Variants in SCUBE3 observed in about 807,000 individuals in gnomAD.
SCUBE3 encodes signal peptide, CUB and EGF-like domain-containing protein 3.
SCUBE3 carries 33 observed loss-of-function variants against 116.8 expected under a neutral mutation model. The ratio of observed to expected loss-of-function variants is 0.28; its 90% CI spans 0.21 to 0.38. SCUBE3 has a LOEUF of 0.38. SCUBE3 is among the 10% of genes least tolerant of loss of function. The pLI, the probability that SCUBE3 is intolerant of heterozygous loss-of-function variation, is 1.00. For missense variants in SCUBE3, 1,007 were observed against 1,324.8 expected (o/e 0.76, Z 3.72); for synonymous variants, 418 against 496.9 (o/e 0.84, Z 2.11).
In SCUBE3 at chr6:35,217,222, C is replaced by CGGGGG. The variant is rs1260285538; in HGVS notation, c.85+2729_85+2733dup. Among the ~76,000 whole-genome samples, 3 of 1,068 alleles carry CGGGGG rather than the reference C, an allele frequency of 2.8e-3. 1 individual carries two copies. Among genetic ancestry groups the CGGGGG allele is most frequent in the Admixed American group, 0.021 (2 of 96 alleles). 0.7% of individuals were successfully genotyped at this position (1,068 alleles called of 152,430 possible). ...TTTTGGTAAGGGGGTGGGTGTTTGGCGGGGGGGGGGGGGGCGGGGGGGAGG... is the reference window on the plus strand; with the variant it reads ...TTTTGGTAAGGGGGTGGGTGTTTGGCGGGGGGGGGGGGGGGGGGGCGGGGGGGAGG... On this transcript the variant is annotated intron_variant, in intron 1 of 21. Coordinates refer to ENST00000274938, the MANE Select transcript of SCUBE3 (RefSeq NM_152753.4).
chr6:35,237,923 G>C lies in SCUBE3; in HGVS notation c.734G>C (p.Gly245Ala). ...TCIETCAVNN[G>A]GCDSKCHDAA... ...ACAGAGACCTGTGCTGTCAACAACG[G>C]GGGCTGTGACAGTAAGTGCCATGAT... Residue 245 changes from glycine to alanine, a missense_variant, in exon 7 of 22, where the codon GGG (glycine) becomes GCG (alanine). Around this residue, in one of 5 missense-constraint regions of SCUBE3, gnomAD observed 214 missense variants for 316.7 expected, o/e 0.68. Transcript: ENST00000274938. 1 of 1,611,434 alleles carries C rather than the reference G, an allele frequency of 6.2e-7. No individual in the cohort carries two copies. Among genetic ancestry groups the C allele is most frequent in the Non-Finnish European group, 8.5e-7 (1 of 1,177,700 alleles).
rs1156601791 is a variant in SCUBE3, at chr6:35,219,889, T to G, written c.85+5386T>G. ...TCTAACCAGCTGCTTGGCCCCAGCA[T>G]AGTGAATCCAAGGGCAGGCAACACC... On this transcript the variant is annotated intron_variant, in intron 1 of 21. Transcript: ENST00000274938. This position sits in a 1 kb window ranked among gnomAD's most constrained non-coding sequence, Gnocchi z 4.7. Among the ~76,000 whole-genome samples, 1 of 152,202 alleles carries G rather than the reference T, an allele frequency of 6.6e-6. No homozygotes were observed. Among genetic ancestry groups the G allele is most frequent in the Non-Finnish European group, 1.5e-5 (1 of 68,022 alleles).
chr6:35,242,676 C>T lies in SCUBE3; in HGVS notation c.1589C>T (p.Ser530Phe), dbSNP rs1258245047. Residue 530 changes from serine to phenylalanine, a missense_variant, in exon 14 of 22, where the codon TCC becomes TTC. By Grantham distance (155) the Ser-to-Phe change is radical (BLOSUM62 -2). This residue lies in a region of SCUBE3 where 544 missense variants were observed against 638.9 expected (regional missense o/e 0.85). Transcript: ENST00000274938. ...QVTFIHLKCDSSRKGKGRRAR... is the reference protein window; with the variant it reads ...QVTFIHLKCDFSRKGKGRRAR... The stretch of plus-strand genomic sequence containing the variant: ...ACCTTCATCCACCTTAAGTGTGACT[C>T]CTCTCGGAAGGGCAAGGGCCGACGG... The T allele has an allele frequency of 1.2e-6, 2 of 1,614,138 alleles. No individual in the cohort carries two copies. The highest frequency in any genetic ancestry group is 2.2e-5 in the East Asian group (1 of 44,880).
chr6:35,237,134 TAC>T (rs1783810152), intron 6 of SCUBE3, among the ~76,000 whole-genome samples: 1 of 152,220 alleles, frequency 6.6e-6, no homozygotes, highest in Non-Finnish European at 1.5e-5. Flanking sequence ...CTAACCTTTT[TAC>T]ACCCTTCCTT....
intron 20 of SCUBE3, 49 bp downstream of exon 20, chr6:35,246,145 G>A: frequency 6.2e-7 from 1 of 1,612,738 alleles, no homozygotes; most frequent in Non-Finnish European, 8.5e-7. Flanking sequence ...GTTTTGAGAG[G>A]GAACCAGGAG....
chr6:35,235,906 C>T lies in SCUBE3; in HGVS notation c.713-1996C>T, dbSNP rs561627919. ...ATTAGATGCCATCCCCTCCTTGGGG[C>T]TTCTTTCTTGGGTTCTTACCCACAT... On this transcript the variant is annotated intron_variant, in intron 6 of 21. Coordinates refer to ENST00000274938, the MANE Select transcript of SCUBE3 (RefSeq NM_152753.4). The surrounding 1 kb of genome is among the most constrained non-coding windows in gnomAD (Gnocchi z 4.5). Among the ~76,000 whole-genome samples, 23 of 152,158 alleles carry T rather than the reference C, an allele frequency of 1.5e-4. No individual in the cohort carries two copies. In the South Asian group the frequency reaches 4.6e-3, roughly 30 times the overall value.
rs771342268 is a variant in SCUBE3, at chr6:35,248,693, G to T, written c.2970G>T (p.Arg990Ser). Residue 990 changes from arginine (R) to serine (S), a missense_variant, in exon 22 of 22, where the codon AGG becomes AGT. Coordinates refer to ENST00000274938, the MANE Select transcript of SCUBE3 (RefSeq NM_152753.4). ...GCTCCAAAGTTTCCAGCTTCCTGAG[G>T]CCCTACAAATAGTAACCCTAGGCTC... The part of the protein sequence containing the change: ...LLRSKVSSFL[R>S]PYK The T allele has an allele frequency of 1.2e-6, 2 of 1,613,796 alleles. No individual in the cohort carries two copies. Among genetic ancestry groups the T allele is most frequent in the Admixed American group, 3.3e-5 (2 of 59,980 alleles).
intron 1 of SCUBE3, among the ~76,000 whole-genome samples, chr6:35,226,480 C>CTTTTT (rs764779695): frequency 0.016 from 1,366 of 85,042 alleles, 51 homozygotes; most frequent in Middle Eastern, 0.023. Flanking sequence ...TTTCTATGTC[C>CTTTTT]TTTTTTTTTT....
At position 35,248,959 on chromosome 6, in the gene SCUBE3, C is replaced by G. The variant is rs557927611; in HGVS notation, c.*254C>G. On this transcript the variant is annotated 3_prime_UTR_variant, in exon 22 of 22. Coordinates refer to ENST00000274938, the MANE Select transcript of SCUBE3 (RefSeq NM_152753.4). ...AAAGCCATTCAGTACTGGCTCTAGT[C>G]CCCGTGAGATGTAAAGAAACAGTAC... is the stretch of plus-strand genomic sequence containing the variant. 1.0e-5 allele frequency: 5 copies of G among 497,176 alleles called. No homozygotes were observed. The South Asian group carries it at 1.3e-4, about 13-fold the overall frequency. The allele number at this position is 497,176 out of a possible 1,614,324, so 30.8% of individuals were successfully genotyped here. A position where few individuals can be genotyped will look rare whatever the true frequency, so the allele number is the denominator to read the frequency against.
At position 35,219,248 on chromosome 6, in the gene SCUBE3, A is replaced by G. The variant is rs1783037405; in HGVS notation, c.85+4745A>G. Among the ~76,000 whole-genome samples, 1 of 152,198 alleles carries G rather than the reference A, an allele frequency of 6.6e-6. No individual in the cohort carries two copies. The highest frequency in any genetic ancestry group is 1.5e-5 in the Non-Finnish European group (1 of 68,026). On this transcript the variant is annotated intron_variant, in intron 1 of 21. Coordinates refer to ENST00000274938, the MANE Select transcript of SCUBE3 (RefSeq NM_152753.4). This position sits in a 1 kb window ranked among gnomAD's most constrained non-coding sequence, Gnocchi z 4.7. Reference sequence around the variant, plus strand: ...GTGTGTTTCTATATGTGTGTATCCAACAAAGTTGGGAAGTGGAGCTGAAAT... The same window carrying G: ...GTGTGTTTCTATATGTGTGTATCCAGCAAAGTTGGGAAGTGGAGCTGAAAT...
At chr6:35,218,199 G>A (rs1782998632) in intron 1 of SCUBE3, 2 of 969,476 alleles carry the variant, frequency 2.1e-6, no homozygotes, top group Non-Finnish European at 2.5e-6. Flanking sequence ...GGCCCTGGGT[G>A]TGAGTTTGGG....
chr6:35,245,624 TAAGA>T lies in SCUBE3; in HGVS notation c.2599+203_2599+206del, dbSNP rs912677292. ...ACACATGTTTGGTAGAAAACAGAGTTAAGAAAGCTAGCAGTGGGGCTAGAACTCC... is the reference window on the plus strand; with the variant it reads ...ACACATGTTTGGTAGAAAACAGAGTTAAGCTAGCAGTGGGGCTAGAACTCC... On this transcript the variant is annotated intron_variant, in intron 19 of 21. Transcript: ENST00000274938. The surrounding 1 kb of genome is among the most constrained non-coding windows in gnomAD (Gnocchi z 4.2). Among the ~76,000 whole-genome samples, 37 of 152,288 alleles carry T rather than the reference TAAGA, an allele frequency of 2.4e-4. No individual in the cohort carries two copies. Among genetic ancestry groups the T allele is most frequent in the Non-Finnish European group, 4.3e-4 (29 of 68,034 alleles).
rs1782815619 is a variant in SCUBE3, at chr6:35,214,665, G to T, written c.85+162G>T. ...CCGGCCAGGGGCCCGACCGCTGGGC[G>T]CTGCGCCCCGAGCGAAAAGCCGGAC... On this transcript the variant is annotated intron_variant, in intron 1 of 21. Transcript: ENST00000274938. This position sits in a 1 kb window ranked among gnomAD's most constrained non-coding sequence, Gnocchi z 6.3. Among the ~76,000 whole-genome samples, 1 of 152,212 alleles carries T rather than the reference G, an allele frequency of 6.6e-6. No homozygotes were observed. The highest frequency in any genetic ancestry group is 1.5e-5 in the Non-Finnish European group (1 of 68,022).
In SCUBE3 at chr6:35,245,948, C is replaced by T. The variant is rs1291109707; in HGVS notation, c.2604C>T (p.Ser868=). Residue 868 remains serine (S), a synonymous_variant, in exon 20 of 22, where the codon TCC becomes TCT. Transcript: ENST00000274938. This position sits in a 1 kb window ranked among gnomAD's most constrained non-coding sequence, Gnocchi z 4.2. ...GDVLVMRKNS[S]PSSITTYETC... Reference sequence around the variant, plus strand: ...ACCTGCTGCTTGCCTTCCCAGCATCCCCATCCTCCATTACCACTTATGAGA... The same window carrying T: ...ACCTGCTGCTTGCCTTCCCAGCATCTCCATCCTCCATTACCACTTATGAGA... 9.9e-6 allele frequency: 16 copies of T among 1,613,818 alleles called. No homozygotes were observed. The highest frequency in any genetic ancestry group is 1.3e-5 in the African/African-American group (1 of 74,896).
intron 1 of SCUBE3, among the ~76,000 whole-genome samples, chr6:35,218,528 A>T (rs983615614): frequency 6.6e-6 from 1 of 152,100 alleles, no homozygotes; most frequent in Non-Finnish European, 1.5e-5. Flanking sequence ...CTAGCACATG[A>T]CCACTTATAA....
chr6:35,239,503 G>C lies in SCUBE3; in HGVS notation c.830-249G>C, dbSNP rs1262237388. Among the ~76,000 whole-genome samples the C allele has an allele frequency of 6.6e-6, 1 of 152,066 alleles. No homozygotes were observed. Among genetic ancestry groups the C allele is most frequent in the African/African-American group, 2.4e-5 (1 of 41,384 alleles). Reference sequence around the variant, plus strand: ...TTGGTTCCAATTTGTCCCCTTATAAGAACACTCAATCCCAGAAGAGAGGGT... The same window carrying C: ...TTGGTTCCAATTTGTCCCCTTATAACAACACTCAATCCCAGAAGAGAGGGT... On this transcript the variant is annotated intron_variant, in intron 7 of 21. Coordinates refer to ENST00000274938, the MANE Select transcript of SCUBE3 (RefSeq NM_152753.4). This position sits in a 1 kb window ranked among gnomAD's most constrained non-coding sequence, Gnocchi z 4.1.
At chr6:35,223,944 G>A (rs1368576530) in intron 1 of SCUBE3, 1 of 152,240 alleles carries the variant, frequency 6.6e-6, no homozygotes, top group African/African-American at 2.4e-5. Context: ...CCAGCCAGGT[G>A]AGGAAAGCTG....
In SCUBE3 at chr6:35,244,724, C is replaced by T. The variant is rs769897344; in HGVS notation, c.2314C>T (p.Pro772Ser). The change falls in exon 18 of 22, where the codon CCC (proline) becomes TCC (serine). Residue 772 changes from proline (P) to serine (S), a missense_variant. Physicochemically the swap from Pro to Ser is moderately conservative, Grantham distance 74 (BLOSUM62 -1). Transcript: ENST00000274938. This position sits in a 1 kb window ranked among gnomAD's most constrained non-coding sequence, Gnocchi z 4.3. ...CIRCAMGSYQ[P>S]DFRQNFCSRC... The stretch of plus-strand genomic sequence containing the variant: ...TCGCTGTGCCATGGGCTCCTATCAG[C>T]CCGACTTCCGTCAGAACTTCTGCAG... 2 of 1,614,192 alleles carry T rather than the reference C, an allele frequency of 1.2e-6. No homozygotes were observed. Among genetic ancestry groups the T allele is most frequent in the Non-Finnish European group, 8.5e-7 (1 of 1,180,006 alleles).
rs1783917178 is a variant in SCUBE3 at position 35,239,223 on chromosome 6, C to T, written c.830-529C>T. Among the ~76,000 whole-genome samples the T allele has an allele frequency of 6.6e-6, 1 of 152,122 alleles. No individual in the cohort carries two copies. Among genetic ancestry groups the T allele is most frequent in the South Asian group, 2.1e-4 (1 of 4,808 alleles). On this transcript the variant is annotated intron_variant, in intron 7 of 21. Transcript: ENST00000274938. The surrounding 1 kb of genome is among the most constrained non-coding windows in gnomAD (Gnocchi z 4.1). ...AGCCTCACTGGCTCTCCTGGAGGTC[C>T]TCCCTGCCTGGCCTCTTTCCCAGCT...
Sources: gnomAD v4.1 joint callset for allele counts (sites outside exome capture counted in the v4.1 genomes callset) on GRCh38, gnomAD v4.1.1 for gene constraint, gnomAD v4.1.1 regional missense constraint, Gnocchi (gnomAD v3.1) non-coding constraint, MANE v1.5 for transcripts, NCBI Gene and HGNC (gene_info 2026-07-23, HGNC 2026-07-21) for gene names.